Variants in RBFOX2 observed in about 807,000 individuals in gnomAD.
RBFOX2 encodes the protein RNA binding protein fox-1 homolog 2.
A neutral mutation model predicts 49.1 loss-of-function variants in RBFOX2; 10 were observed. The ratio of observed to expected loss-of-function variants is 0.20; its 90% CI spans 0.13 to 0.35. The LOEUF (loss-of-function observed/expected upper bound fraction) is 0.35. Ranked by LOEUF, RBFOX2 falls within the 10% of genes least tolerant of loss-of-function variation. The pLI, the probability that RBFOX2 is intolerant of heterozygous loss-of-function variation, is 1.00. For synonymous variants in RBFOX2, 183 were observed against 187.4 expected (o/e 0.98, Z 0.19); for missense variants, 323 against 486.9 (o/e 0.66, Z 3.17).
rs192139649 is a variant in RBFOX2 at position 36,020,621 on chromosome 22, C to T, written c.186+7619G>A. Among the ~76,000 whole-genome samples the T allele has an allele frequency of 3.6e-3, 542 of 152,040 alleles. 1 individual carries two copies. The highest frequency in any genetic ancestry group is 0.011 in the African/African-American group (477 of 41,486). On this transcript the variant is annotated intron_variant, in intron 1 of 13. Coordinates refer to the RBFOX2 transcript ENST00000438146. ...ACAGACACTTCTCAAAAGAAATTTACGCAGCCAACAGACACATGAAAAAAT... is the reference window on the plus strand; with the variant it reads ...ACAGACACTTCTCAAAAGAAATTTATGCAGCCAACAGACACATGAAAAAAT...
At chr22:35,746,401 G>C in intron 10 of RBFOX2, 72 bp downstream of exon 12, 1 of 1,327,740 alleles carries the variant, frequency 7.5e-7, no homozygotes, top group Non-Finnish European at 1.0e-6. Context: ...GGTGAAGGGA[G>C]GAAAATGGGT....
Position 35,745,914 on chromosome 22 carries a change from T to C in RBFOX2, c.1049+9A>G. 1 of 1,608,012 alleles carries C rather than the reference T, an allele frequency of 6.2e-7. No homozygotes were observed. Among genetic ancestry groups the C allele is most frequent in the Non-Finnish European group, 8.5e-7 (1 of 1,174,364 alleles). ...GGTTTTATAAAGCAATGGTATATTA[T>C]ATACTTACCACAGCGCCAACTCCAT... is the stretch of plus-strand genomic sequence containing the variant. On this transcript the variant is annotated intron_variant, in intron 11 of 11. Transcript: ENST00000405409.
intron 1 of RBFOX2, among the ~76,000 whole-genome samples, chr22:35,815,726 C>T (rs1238894871): frequency 6.6e-6 from 1 of 152,144 alleles, no homozygotes; most frequent in African/African-American, 2.4e-5. Context: ...CAGTTTATTA[C>T]CACTGACAAT....
intron 1 of RBFOX2, among the ~76,000 whole-genome samples, chr22:35,831,213 G>A (rs2148666312): frequency 6.6e-6 from 1 of 152,300 alleles, no homozygotes; most frequent in East Asian, 1.9e-4. Context: ...GGAGGCCGAG[G>A]TGGGCAGATC....
At chr22:35,773,029 G>T (rs1383073569) in intron 4 of RBFOX2, among the ~76,000 whole-genome samples, 1 of 146,720 alleles carries the variant, frequency 6.8e-6, no homozygotes, top group Non-Finnish European at 1.5e-5. Flanking sequence ...TAAAACTAAA[G>T]CCCATAATGG....
intron 1 of RBFOX2, among the ~76,000 whole-genome samples, chr22:35,858,823 T>C (rs1431164641): frequency 7.5e-6 from 1 of 133,434 alleles, no homozygotes; most frequent in Non-Finnish European, 1.6e-5. Flanking sequence ...TGAGACTCTG[T>C]CTCAAAAAAA....
chr22:35,840,556 T>G lies in RBFOX2; in HGVS notation c.-338A>C, dbSNP rs1249782787. On this transcript the variant is annotated 5_prime_UTR_variant, in exon 1 of 12. Transcript: ENST00000405409. ...CACCCCCTCCCAGCAGGCTGACATC[T>G]CCCAACTCCAGAAGCAGGCCTGCTG... is the stretch of plus-strand genomic sequence containing the variant. 5 of 1,174,246 alleles carry G rather than the reference T, an allele frequency of 4.3e-6. No homozygotes were observed. In the African/African-American group the frequency reaches 6.2e-5, roughly 15 times the overall value. 72.7% of individuals were successfully genotyped at this position (1,174,246 alleles called of 1,614,324 possible).
intron 1 of RBFOX2, among the ~76,000 whole-genome samples, chr22:35,915,414 C>G (rs528821483): frequency 6.6e-6 from 1 of 152,288 alleles, no homozygotes; most frequent in East Asian, 1.9e-4. Context: ...CTTATTACCC[C>G]AAACAACTCT....
At position 36,026,591 on chromosome 22, in the gene RBFOX2, C is replaced by T. The variant is rs2059449356; in HGVS notation, c.186+1649G>A. Among the ~76,000 whole-genome samples the T allele has an allele frequency of 6.6e-5, 10 of 151,148 alleles. 2 individuals are homozygous for T. The South Asian group carries it at 2.1e-3, about 32-fold the overall frequency. ...ACACACACCAAGTAGAACCTGCTCACCAGCACCTACATCCAGTCTTCCCTC... is the reference window on the plus strand; with the variant it reads ...ACACACACCAAGTAGAACCTGCTCATCAGCACCTACATCCAGTCTTCCCTC... On this transcript the variant is annotated intron_variant, in intron 1 of 13. Coordinates refer to the RBFOX2 transcript ENST00000438146.
chr22:35,922,086 T>C (rs1319403389), intron 1 of RBFOX2, among the ~76,000 whole-genome samples: 1 of 152,224 alleles, frequency 6.6e-6, no homozygotes, highest in Non-Finnish European at 1.5e-5. Flanking sequence ...CTTCTCTGTG[T>C]GCTTGTATCT....
Position 35,835,946 on chromosome 22 carries a change from C to CT in RBFOX2, c.27+4245dup, listed in dbSNP as rs539539745. 8.7e-3 allele frequency among the ~76,000 whole-genome samples: 1,279 copies of CT among 147,734 alleles called. 55 individuals are homozygous for CT. Among genetic ancestry groups the CT allele is most frequent in the Admixed American group, 0.077 (1,136 of 14,822 alleles). ...AACCAAATCTCTGGAAAAAGTGAGG[C>CT]TTTTTTTTTTCATTGTAAAGGAACA... is the stretch of plus-strand genomic sequence containing the variant. On this transcript the variant is annotated intron_variant, in intron 1 of 11. Transcript: ENST00000405409.
Position 35,768,368 on chromosome 22 carries a change from G to T in RBFOX2, c.454-19C>A. The T allele has an allele frequency of 6.3e-7, 1 of 1,599,286 alleles. No homozygotes were observed. Among genetic ancestry groups the T allele is most frequent in the Non-Finnish European group, 8.6e-7 (1 of 1,166,958 alleles). ...CGAATCCCTGCATGCAGCGGGAGAA[G>T]GGGGGAAAACATGCACATCGTTATA... On this transcript the variant is annotated intron_variant, in intron 4 of 11. Transcript: ENST00000405409.
At chr22:35,775,580 C>T (rs1224727840) in intron 4 of RBFOX2, among the ~76,000 whole-genome samples, 2 of 151,960 alleles carry the variant, frequency 1.3e-5, no homozygotes, top group Non-Finnish European at 2.9e-5. Context: ...TGGCTCACAC[C>T]TGTAATCCCA....
At chr22:36,028,522 G>C (rs1322020346) in exon 1 of RBFOX2, 23 of 986,342 alleles carry the variant, frequency 2.3e-5, no homozygotes, top group Non-Finnish European at 2.5e-5. Flanking sequence ...GCGGGCGCGC[G>C]CCTGCCCCCG....
intron 2 of RBFOX2, among the ~76,000 whole-genome samples, chr22:35,789,399 T>G (rs903684026): frequency 6.6e-6 from 1 of 151,972 alleles, no homozygotes; most frequent in African/African-American, 2.4e-5. Flanking sequence ...AAAAATTAGT[T>G]GGGCGTGGTG....
At chr22:35,746,335 C>T in intron 10 of RBFOX2, 138 bp downstream of exon 12, 3 of 774,220 alleles carry the variant, frequency 3.9e-6, no homozygotes, top group East Asian at 5.0e-5. Flanking sequence ...ATCAAGAGGT[C>T]TGCAGAAAGC....
chr22:35,743,021 A>G (rs1569191077), exon 12 of RBFOX2: 1 of 152,702 alleles, frequency 6.5e-6, no homozygotes, highest in Non-Finnish European at 1.5e-5. Flanking sequence ...GAGCAAGTAC[A>G]AAGTGCCTCT....
chr22:35,884,463 T>C (rs1025283615), intron 1 of RBFOX2, among the ~76,000 whole-genome samples: 1 of 152,162 alleles, frequency 6.6e-6, no homozygotes, highest in African/African-American at 2.4e-5. Context: ...GCTGCAATCA[T>C]TAAAGCTTGA....
At chr22:35,995,252 T>C (rs532229386) in intron 1 of RBFOX2, 2 of 152,288 alleles carry the variant, frequency 1.3e-5, no homozygotes, top group East Asian at 3.9e-4. Context: ...GCTACATCCA[T>C]TTGAAATGGA....
Sources: allele counts gnomAD v4.1 joint callset (sites outside exome capture counted in the v4.1 genomes callset), GRCh38; gene constraint gnomAD v4.1.1; transcripts MANE v1.5; gene names NCBI Gene and HGNC (gene_info 2026-07-23, HGNC 2026-07-21).